The following HS2ST1 variants were observed in gnomAD, a reference collection of about 807,000 sequenced individuals.
HS2ST1 encodes 2-O-sulfotransferase.
In HS2ST1, 18 loss-of-function variants were observed where a neutral mutation model predicts 42.9. That is an observed-to-expected ratio of 0.42 (90% CI 0.29 to 0.62). The LOEUF (loss-of-function observed/expected upper bound fraction) is 0.62. Among genes scored for constraint, HS2ST1 ranks in the 20% least tolerant of loss-of-function variants. HS2ST1 has a pLI of 0.21. For missense variants in HS2ST1, 334 were observed against 433.8 expected, an observed-to-expected ratio of 0.77 and a Z score of 2.04; for synonymous variants, 146 against 152.9, an observed-to-expected ratio of 0.95 and a Z score of 0.33.
chr1:87,040,248 G>A (rs1222806419), intron 1 of HS2ST1, among the ~76,000 whole-genome samples: 1 of 152,032 alleles, frequency 6.6e-6, no homozygotes, highest in African/African-American at 2.4e-5. Flanking sequence ...CAAGAATTGA[G>A]GACTGAATTT....
chr1:87,101,149 G>GTGTGTGTTTT (rs1557546421), intron 5 of HS2ST1, among the ~76,000 whole-genome samples: 2 of 59,568 alleles, frequency 3.4e-5, no homozygotes, highest in African/African-American at 1.3e-4. Flanking sequence ...GTGTGTGTGT[G>GTGTGTGTTTT]TTTTTTGTTT....
chr1:86,980,548 A>C (rs1648549481), intron 1 of HS2ST1, among the ~76,000 whole-genome samples: 1 of 152,150 alleles, frequency 6.6e-6, no homozygotes, highest in South Asian at 2.1e-4. Context: ...TTACATAAAC[A>C]ATAAATTAAT....
chr1:86,940,383 A>G (rs1402098696), intron 1 of HS2ST1, among the ~76,000 whole-genome samples: 1 of 151,684 alleles, frequency 6.6e-6, no homozygotes, highest in Non-Finnish European at 1.5e-5. Flanking sequence ...AAAAAGAAAA[A>G]CAGAAACCTG....
At chr1:87,035,188 G>C (rs1254840055) in intron 1 of HS2ST1, among the ~76,000 whole-genome samples, 1 of 152,092 alleles carries the variant, frequency 6.6e-6, no homozygotes, top group African/African-American at 2.4e-5. Flanking sequence ...TTGATTTTAG[G>C]ACTTCTGACC....
At chr1:86,947,070 G>C (rs1474331362) in intron 1 of HS2ST1, among the ~76,000 whole-genome samples, 3 of 152,202 alleles carry the variant, frequency 2.0e-5, no homozygotes, top group Non-Finnish European at 4.4e-5. Flanking sequence ...AGCTACCATA[G>C]AATGACATGA....
intron 1 of HS2ST1, among the ~76,000 whole-genome samples, chr1:87,035,776 T>A (rs2100599645): frequency 6.6e-6 from 1 of 152,248 alleles, no homozygotes; most frequent in Non-Finnish European, 1.5e-5. Context: ...TATTGTTGTT[T>A]AAGAATTAAA....
chr1:87,020,883 A>C lies in HS2ST1; in HGVS notation c.125-52051A>C, dbSNP rs574316593. The stretch of plus-strand genomic sequence containing the variant: ...GGGGGTCAGGGAAACAATTCAGGAC[A>C]TAACAAGATCTTTAGCCCTCATCTA... On this transcript the variant is annotated intron_variant, in intron 1 of 6. Transcript: ENST00000370550. Among the ~76,000 whole-genome samples the C allele has an allele frequency of 2.0e-5, 3 of 152,346 alleles. No homozygotes were observed. In the East Asian group the frequency reaches 5.8e-4, roughly 29 times the overall value.
intron 1 of HS2ST1, among the ~76,000 whole-genome samples, chr1:87,016,614 G>A (rs1467866152): frequency 1.3e-5 from 2 of 152,258 alleles, no homozygotes; most frequent in African/African-American, 4.8e-5. Context: ...TAAGGGAATA[G>A]CATCAATATA....
At chr1:87,092,381 CG>C in intron 3 of HS2ST1, 149 bp from the exon 4 acceptor site, 1 of 193,108 alleles carries the variant, frequency 5.2e-6, no homozygotes, top group East Asian at 5.8e-5. Flanking sequence ...AGTTCCCAAT[CG>C]CCACATACAC....
At chr1:86,937,221 A>G (rs1040357427) in intron 1 of HS2ST1, among the ~76,000 whole-genome samples, 1 of 152,206 alleles carries the variant, frequency 6.6e-6, no homozygotes, top group Non-Finnish European at 1.5e-5. Context: ...GTATGTTTAT[A>G]TTTTAAAGGA....
chr1:87,050,720 A>G (rs1409056257), intron 1 of HS2ST1, among the ~76,000 whole-genome samples: 8 of 152,098 alleles, frequency 5.3e-5, no homozygotes, highest in East Asian at 3.8e-4. Context: ...TTTTAAGGTA[A>G]TGTAACTTTC....
chr1:86,982,184 T>C (rs1648615049), intron 1 of HS2ST1, among the ~76,000 whole-genome samples: 1 of 152,212 alleles, frequency 6.6e-6, no homozygotes, highest in South Asian at 2.1e-4. Flanking sequence ...CTCCTGGGGC[T>C]GCACAGAGCA....
At position 86,914,998 on chromosome 1, in the gene HS2ST1, G is replaced by A. The variant is rs372298246; in HGVS notation, c.-39G>A. ...TCTCGCCTCCGGGGTCCCGCTCCCC[G>A]CCCCCCGCGGTATGTCTTGATCCCG... On this transcript the variant is annotated 5_prime_UTR_variant, in exon 1 of 7. Coordinates refer to ENST00000370550, the MANE Select transcript of HS2ST1 (RefSeq NM_012262.4). The A allele has an allele frequency of 8.1e-6, 13 of 1,611,234 alleles. No homozygotes were observed. The highest frequency in any genetic ancestry group is 1.0e-5 in the Non-Finnish European group (12 of 1,179,342).
chr1:87,032,621 G>A (rs1305207023), intron 1 of HS2ST1, among the ~76,000 whole-genome samples: 1 of 152,106 alleles, frequency 6.6e-6, no homozygotes, highest in Non-Finnish European at 1.5e-5. Context: ...CAGATCAGCA[G>A]TTACAGCTCT....
chr1:87,044,858 G>A (rs1650606759), intron 1 of HS2ST1: 2 of 939,776 alleles, frequency 2.1e-6, no homozygotes, highest in African/African-American at 1.7e-5. Context: ...TGGAACAAAG[G>A]ACATAACAAA....
intron 1 of HS2ST1, among the ~76,000 whole-genome samples, chr1:87,000,734 G>T (rs1241083902): frequency 1.3e-5 from 2 of 152,200 alleles, no homozygotes. Flanking sequence ...GGGCATGACA[G>T]TCATTTACCT....
chr1:86,952,425 A>G (rs1338003615), intron 1 of HS2ST1, among the ~76,000 whole-genome samples: 1 of 152,034 alleles, frequency 6.6e-6, no homozygotes, highest in Non-Finnish European at 1.5e-5. Flanking sequence ...TTTAGTAGAG[A>G]TGGGGTTTCA....
intron 3 of HS2ST1, among the ~76,000 whole-genome samples, chr1:87,092,045 T>C (rs1321306449): frequency 6.6e-6 from 1 of 152,096 alleles, no homozygotes; most frequent in African/African-American, 2.4e-5. Flanking sequence ...TGAGAAATCA[T>C]TGCTACATAG....
chr1:86,997,712 C>CT (rs1418872220), intron 1 of HS2ST1, among the ~76,000 whole-genome samples: 1 of 152,114 alleles, frequency 6.6e-6, no homozygotes, highest in Non-Finnish European at 1.5e-5. Flanking sequence ...GTACTGAACT[C>CT]TATGTGCAGT....
Sources: allele counts gnomAD v4.1 joint callset (sites outside exome capture counted in the v4.1 genomes callset), GRCh38; gene constraint gnomAD v4.1.1; transcripts MANE v1.5; gene names NCBI Gene and HGNC (gene_info 2026-07-23, HGNC 2026-07-21).